The following PDE4C variants were observed in gnomAD, a reference collection of about 807,000 sequenced individuals.
PDE4C encodes phosphodiesterase 4C.
PDE4C carries 50 observed loss-of-function variants against 63.9 expected under a neutral mutation model. That is an observed-to-expected ratio of 0.78 (90% CI 0.62 to 0.99). PDE4C has a LOEUF of 0.99. Among genes scored for constraint, PDE4C ranks in the 50% least tolerant of loss-of-function variants. The pLI is 0.00. For missense variants in PDE4C, 777 were observed against 899.1 expected, an observed-to-expected ratio of 0.86 and a Z score of 1.74; for synonymous variants, 377 against 385.1, an observed-to-expected ratio of 0.98 and a Z score of 0.25.
At chr19:18,245,179 TTTGA>T (rs1424695300) in intron 1 of PDE4C, among the ~76,000 whole-genome samples, 13 of 132,120 alleles carry the variant, frequency 9.8e-5, no homozygotes, top group Non-Finnish European at 1.5e-4. Flanking sequence ...TGTTTGTTTG[TTTGA>T]GACAGAGTCG....
upstream of PDE4C, chr19:18,251,978 G>T (rs1464075944): frequency 1.0e-5 from 4 of 397,980 alleles, no homozygotes; most frequent in Non-Finnish European, 1.8e-5. Context: ...TCTCGGGGCT[G>T]TACCTCCCCC....
chr19:18,230,546 G>A (rs1968827094), upstream of PDE4C, among the ~76,000 whole-genome samples: 2 of 152,030 alleles, frequency 1.3e-5, no homozygotes, highest in South Asian at 4.1e-4. Context: ...TAAACAGAGA[G>A]CCTCTCCTTC....
chr19:18,212,502 TCTCA>T (rs1967999549), intron 13 of PDE4C, among the ~76,000 whole-genome samples: 1 of 134,428 alleles, frequency 7.4e-6, no homozygotes, highest in African/African-American at 2.8e-5. Context: ...AGAGACAGGG[TCTCA>T]CTCAGTTGCC....
chr19:18,251,722 G>C (rs931180948), upstream of PDE4C, among the ~76,000 whole-genome samples: 2 of 19,916 alleles, frequency 1.0e-4, no homozygotes, highest in African/African-American at 1.8e-4. Flanking sequence ...CAAAGTGCTG[G>C]GATTACAGGC....
Position 18,226,454 on chromosome 19 carries a change from C to T in PDE4C, c.-39G>A, listed in dbSNP as rs1384702352. On this transcript the variant is annotated 5_prime_UTR_variant, in exon 1 of 15. Transcript: ENST00000262805. Reference sequence around the variant, plus strand: ...TGGAGGCTGGACCGAGCGCCGGCTGCGCGGGACCTTTTCTGGACAGCTGCG... The same window carrying T: ...TGGAGGCTGGACCGAGCGCCGGCTGTGCGGGACCTTTTCTGGACAGCTGCG... 1.5e-6 allele frequency: 2 copies of T among 1,353,064 alleles called. No individual in the cohort carries two copies. The highest frequency in any genetic ancestry group is 3.1e-5 in the East Asian group (1 of 31,902). 83.8% of individuals were successfully genotyped at this position (1,353,064 alleles called of 1,614,324 possible).
chr19:18,241,041 C>G (rs1024928681), intron 1 of PDE4C, among the ~76,000 whole-genome samples: 2 of 151,962 alleles, frequency 1.3e-5, no homozygotes, highest in Non-Finnish European at 2.9e-5. Flanking sequence ...CAACTTGTCC[C>G]CACCCTTTCC....
At chr19:18,234,994 C>T (rs1045562662), upstream of PDE4C, among the ~76,000 whole-genome samples, 1 of 152,156 alleles carries the variant, frequency 6.6e-6, no homozygotes, top group Non-Finnish European at 1.5e-5. Context: ...CTTCCCCTCC[C>T]AAAGTCTTTT....
At chr19:18,250,132 ACT>A (rs1969215099), upstream of PDE4C, 1 of 398,590 alleles carries the variant, frequency 2.5e-6, no homozygotes, top group South Asian at 1.3e-4. Context: ...CTCAGGGCTC[ACT>A]CCTGGAGGTG....
upstream of PDE4C, among the ~76,000 whole-genome samples, chr19:18,251,636 T>A (rs1969230107): frequency 7.4e-6 from 1 of 136,038 alleles, no homozygotes; most frequent in East Asian, 2.4e-4. Context: ...GGTTTCACCA[T>A]TTTGGCCAGG....
At chr19:18,241,290 G>C (rs1220233816) in intron 1 of PDE4C, among the ~76,000 whole-genome samples, 1 of 99,584 alleles carries the variant, frequency 1.0e-5, no homozygotes, top group Non-Finnish European at 1.9e-5. Flanking sequence ...TTTTTGAGAT[G>C]GAGTCTCGCT....
upstream of PDE4C, chr19:18,252,422 C>T: frequency 2.5e-6 from 1 of 399,020 alleles, no homozygotes; most frequent in East Asian, 3.6e-5. Flanking sequence ...GAGAAGAAAT[C>T]AGAGAGCTGA....
intron 13 of PDE4C, among the ~76,000 whole-genome samples, chr19:18,212,826 T>A (rs780895911): frequency 1.3e-4 from 20 of 151,414 alleles, no homozygotes; most frequent in Non-Finnish European, 2.7e-4. Context: ...TAGCTGAGAT[T>A]ACAGGCGCCC....
chr19:18,209,535 C>T (rs1275435857), downstream of PDE4C: 1 of 151,880 alleles, frequency 6.6e-6, no homozygotes, highest in Non-Finnish European at 1.5e-5. Context: ...AGGTGTGAGC[C>T]GCCGCACCCA....
upstream of PDE4C, among the ~76,000 whole-genome samples, chr19:18,228,311 T>C (rs1968784253): frequency 6.6e-6 from 1 of 152,150 alleles, no homozygotes; most frequent in Non-Finnish European, 1.5e-5. Flanking sequence ...TTATGTAAAC[T>C]GAGTGCTTCA....
chr19:18,247,865 G>A (rs560698788), intron 1 of PDE4C, among the ~76,000 whole-genome samples: 1 of 152,260 alleles, frequency 6.6e-6, no homozygotes, highest in Admixed American at 6.5e-5. Context: ...AATCAAGGTG[G>A]CATGGACCAC....
At chr19:18,229,912 C>T (rs570549158), upstream of PDE4C, among the ~76,000 whole-genome samples, 1 of 152,220 alleles carries the variant, frequency 6.6e-6, no homozygotes. Flanking sequence ...TTACACTGTT[C>T]CAGTCTCTCC....
intron 1 of PDE4C, among the ~76,000 whole-genome samples, chr19:18,247,496 A>G (rs1969152496): frequency 1.3e-5 from 2 of 152,092 alleles, no homozygotes; most frequent in Non-Finnish European, 2.9e-5. Context: ...GGGTTTCTCC[A>G]TGTTGGCCAG....
chr19:18,226,169 G>T, intron 1 of PDE4C, 101 bp downstream of exon 1: 1 of 957,396 alleles, frequency 1.0e-6, no homozygotes, highest in Non-Finnish European at 1.6e-6. Flanking sequence ...CCGGACTCCG[G>T]CCCCGGCCCC....
chr19:18,224,241 GT>G, intron 1 of PDE4C: 1 of 985,532 alleles, frequency 1.0e-6, no homozygotes. Flanking sequence ...TGACCTGGGG[GT>G]GGGTTTTCAA....
Sources: gnomAD v4.1 joint callset for allele counts (sites outside exome capture counted in the v4.1 genomes callset) on GRCh38, gnomAD v4.1.1 for gene constraint, MANE v1.5 for transcripts, NCBI Gene and HGNC (gene_info 2026-07-23, HGNC 2026-07-21) for gene names.